AJAP1: variants seen among roughly 807,000 people sequenced by gnomAD.
AJAP1 encodes adherens junction-associated protein 1.
Under a neutral mutation model 35.0 loss-of-function variants are expected in AJAP1, and 5 were observed. The observed-to-expected ratio is 0.14, with a 90% CI of 0.07 to 0.30. The LOEUF (loss-of-function observed/expected upper bound fraction) is 0.30, where lower values mean the gene tolerates loss of function less well. AJAP1 is among the 10% of genes least tolerant of loss of function. The pLI, the probability that AJAP1 is intolerant of heterozygous loss-of-function variation, is 1.00. For synonymous variants in AJAP1, 284 were observed against 249.3 expected, an observed-to-expected ratio of 1.14 and a Z score of -1.31; for missense variants, 586 against 571.0, an observed-to-expected ratio of 1.03 and a Z score of -0.27.
At chr1:4,763,643 T>C (rs1053355527) in intron 2 of AJAP1, among the ~76,000 whole-genome samples, 2 of 152,114 alleles carry the variant, frequency 1.3e-5, no homozygotes, top group Admixed American at 6.5e-5. Flanking sequence ...GGGTGGGCAG[T>C]ATCCAATCTG....
At chr1:4,694,551 C>G (rs769484274) in intron 1 of AJAP1, among the ~76,000 whole-genome samples, 17 of 152,226 alleles carry the variant, frequency 1.1e-4, no homozygotes, top group Non-Finnish European at 2.4e-4. Flanking sequence ...TGGTCCAGGC[C>G]CACAGCAGAT....
At chr1:4,747,085 C>T (rs551263009) in intron 2 of AJAP1, among the ~76,000 whole-genome samples, 10 of 152,320 alleles carry the variant, frequency 6.6e-5, no homozygotes, top group South Asian at 2.1e-4. Context: ...CAAAACCAGA[C>T]GTCAGCCAGA....
chr1:4,757,811 T>A lies in AJAP1; in HGVS notation c.830-12042T>A, dbSNP rs182564104. Among the ~76,000 whole-genome samples, 15 of 152,316 alleles carry A rather than the reference T, an allele frequency of 9.8e-5. No homozygotes were observed. In the East Asian group the frequency reaches 2.7e-3, roughly 27 times the overall value. Reference sequence around the variant, plus strand: ...AGGTCCTGAATAAGCAGTTATTGAATGAGTGAAGAGTGCTTTTCTATAATA... The same window carrying A: ...AGGTCCTGAATAAGCAGTTATTGAAAGAGTGAAGAGTGCTTTTCTATAATA... On this transcript the variant is annotated intron_variant, in intron 2 of 5. Coordinates refer to ENST00000378191, the MANE Select transcript of AJAP1 (RefSeq NM_018836.4).
intron 2 of AJAP1, among the ~76,000 whole-genome samples, chr1:4,730,216 A>G (rs1176784212): frequency 6.6e-6 from 1 of 152,170 alleles, no homozygotes; most frequent in African/African-American, 2.4e-5. Context: ...TTAACATCCT[A>G]TTAGAGGAGG....
intron 2 of AJAP1, among the ~76,000 whole-genome samples, chr1:4,753,051 G>A (rs1227351525): frequency 6.6e-6 from 1 of 150,556 alleles, no homozygotes; most frequent in Non-Finnish European, 1.5e-5. Flanking sequence ...CTCTAAAGAT[G>A]CCAACCAGAG....
At chr1:4,765,109 A>G (rs980485683) in intron 2 of AJAP1, among the ~76,000 whole-genome samples, 3 of 152,232 alleles carry the variant, frequency 2.0e-5, no homozygotes, top group African/African-American at 7.2e-5. Flanking sequence ...AGAAGCAGAA[A>G]AAGCCCCCAA....
At chr1:4,751,627 C>T (rs1489998162) in intron 2 of AJAP1, among the ~76,000 whole-genome samples, 1 of 152,244 alleles carries the variant, frequency 6.6e-6, no homozygotes, top group Admixed American at 6.5e-5. Context: ...CCTGGCTGCG[C>T]ACATTCTGTC....
At chr1:4,681,621 C>T (rs962779098) in intron 1 of AJAP1, among the ~76,000 whole-genome samples, 8 of 152,234 alleles carry the variant, frequency 5.3e-5, no homozygotes, top group African/African-American at 1.9e-4. Flanking sequence ...GAGGCCATGC[C>T]TGGAGGCAGA....
chr1:4,679,852 T>TGTGTGG (rs1553154879), intron 1 of AJAP1, among the ~76,000 whole-genome samples: 5 of 141,108 alleles, frequency 3.5e-5, no homozygotes, highest in South Asian at 2.3e-4. Flanking sequence ...TGTGTGTGTG[T>TGTGTGG]AGAGAGAGAT....
rs182273062 is a variant in AJAP1, at chr1:4,776,135, G to A, written c.*59+1577G>A. Among the ~76,000 whole-genome samples the A allele has an allele frequency of 1.5e-3, 221 of 152,340 alleles. 1 individual carries two copies. The highest frequency in any genetic ancestry group is 5.1e-3 in the African/African-American group (211 of 41,578). On this transcript the variant is annotated intron_variant, in intron 5 of 5. Transcript: ENST00000378191. The stretch of plus-strand genomic sequence containing the variant: ...CCCACAGAACTGGAGAGGTCAACTC[G>A]GGGGGACAGCCCCGTAATACGGATG...
At chr1:4,772,565 C>G (rs748533925) in intron 4 of AJAP1, 40 bp downstream of exon 4, 5 of 1,602,836 alleles carry the variant, frequency 3.1e-6, no homozygotes, top group Admixed American at 3.3e-5. Flanking sequence ...CTGTGAAGCT[C>G]TTGGTGCTCC....
At chr1:4,754,742 C>T (rs551422695) in intron 2 of AJAP1, among the ~76,000 whole-genome samples, 83 of 152,338 alleles carry the variant, frequency 5.4e-4, no homozygotes, top group Admixed American at 1.2e-3. Flanking sequence ...TGGATTAAGA[C>T]GTTGCTGGGA....
At position 4,692,104 on chromosome 1, in the gene AJAP1, C is replaced by T. The variant is rs1053713410; in HGVS notation, c.30-19796C>T. Among the ~76,000 whole-genome samples, 7 of 152,222 alleles carry T rather than the reference C, an allele frequency of 4.6e-5. No individual in the cohort carries two copies. Among genetic ancestry groups the T allele is most frequent in the African/African-American group, 9.6e-5 (4 of 41,530 alleles). On this transcript the variant is annotated intron_variant, in intron 1 of 5. Transcript: ENST00000378191. The surrounding 1 kb of genome is among the most constrained non-coding windows in gnomAD (Gnocchi z 4.4). ...AATGGCAGGTGGCATGGCGCCCGGC[C>T]GGCCCTGCGTGGATCTATTATCTCT...
At chr1:4,666,517 C>G (rs115009247) in intron 1 of AJAP1, among the ~76,000 whole-genome samples, 1 of 130,180 alleles carries the variant, frequency 7.7e-6, no homozygotes, top group African/African-American at 3.1e-5. Context: ...AGGAGGGGTG[C>G]GGAGAGGGGC....
rs1299426423 is a variant in AJAP1, at chr1:4,723,024, AG to A, written c.829+10330del. Among the ~76,000 whole-genome samples the A allele has an allele frequency of 6.6e-6, 1 of 152,118 alleles. No individual in the cohort carries two copies. The highest frequency in any genetic ancestry group is 1.9e-4 in the East Asian group (1 of 5,186). ...ACTGGCTGCTCTCTGAGGGCATTCT[AG>A]GGGGAAGACAGGAGGCAATGATACC... On this transcript the variant is annotated intron_variant, in intron 2 of 5. Coordinates refer to ENST00000378191, the MANE Select transcript of AJAP1 (RefSeq NM_018836.4). The surrounding 1 kb of genome is among the most constrained non-coding windows in gnomAD (Gnocchi z 4.3).
At chr1:4,760,319 G>A (rs1557643364) in intron 2 of AJAP1, among the ~76,000 whole-genome samples, 5 of 151,708 alleles carry the variant, frequency 3.3e-5, no homozygotes, top group Admixed American at 3.3e-4. Context: ...GTATATGAGT[G>A]TGTGTGAACG....
At chr1:4,700,123 C>T (rs1030599595) in intron 1 of AJAP1, among the ~76,000 whole-genome samples, 9 of 152,204 alleles carry the variant, frequency 5.9e-5, no homozygotes, top group African/African-American at 9.7e-5. Flanking sequence ...GGCCATGTCA[C>T]GTGGTGCCAG....
intron 1 of AJAP1, among the ~76,000 whole-genome samples, chr1:4,664,164 A>G (rs900147039): frequency 6.6e-6 from 1 of 152,202 alleles, no homozygotes; most frequent in Non-Finnish European, 1.5e-5. Flanking sequence ...AGTAAATAGC[A>G]GAGCCCGCAC....
chr1:4,773,348 T>C (rs548310809), intron 4 of AJAP1, among the ~76,000 whole-genome samples: 1 of 152,284 alleles, frequency 6.6e-6, no homozygotes, highest in African/African-American at 2.4e-5. Flanking sequence ...GCTGGCTGCA[T>C]GCTCCCTTTC....
Sources: gnomAD v4.1 joint callset for allele counts (sites outside exome capture counted in the v4.1 genomes callset) on GRCh38, gnomAD v4.1.1 for gene constraint, Gnocchi (gnomAD v3.1) non-coding constraint, MANE v1.5 for transcripts, NCBI Gene and HGNC (gene_info 2026-07-23, HGNC 2026-07-21) for gene names.